Variants in CCDC77 observed in about 807,000 individuals in gnomAD.
CCDC77 encodes coiled-coil domain-containing protein 77.
CCDC77 carries 56 observed loss-of-function variants against 66.8 expected under a neutral mutation model. The observed-to-expected ratio is 0.84, with a 90% confidence interval of 0.68 to 1.05. CCDC77 has a LOEUF of 1.05. Ranked by LOEUF, CCDC77 falls within the 50% of genes least tolerant of loss-of-function variation. The probability of loss-of-function intolerance (pLI) is 0.00; values close to 1 mark genes in which losing one functional copy is unlikely to be tolerated. For missense variants in CCDC77, 570 were observed against 576.8 expected (o/e 0.99, Z 0.12); for synonymous variants, 196 against 195.2 (o/e 1.00, Z -0.03).
At chr12:392,877 T>G (rs1456256445) in intron 1 of CCDC77, among the ~76,000 whole-genome samples, 3 of 151,978 alleles carry the variant, frequency 2.0e-5, no homozygotes, top group African/African-American at 4.8e-5. Context: ...AACTTTTATA[T>G]TTAAATACAT....
At chr12:433,555 A>G in intron 9 of CCDC77, 1 of 1,070,754 alleles carries the variant, frequency 9.3e-7, no homozygotes, top group Non-Finnish European at 1.2e-6. Context: ...TTGGTGTTTT[A>G]GCTTGCTTCT....
At chr12:431,240 T>TA (rs1945646292) in intron 7 of CCDC77, among the ~76,000 whole-genome samples, 3 of 140,264 alleles carry the variant, frequency 2.1e-5, no homozygotes, top group South Asian at 4.5e-4. Context: ...TCTTTTGAGA[T>TA]AGAGTTTTGC....
At chr12:416,017 G>A (rs1173124492) in intron 4 of CCDC77, among the ~76,000 whole-genome samples, 4 of 151,752 alleles carry the variant, frequency 2.6e-5, no homozygotes, top group Admixed American at 2.0e-4. Context: ...TGTTGGCCAG[G>A]GTGGTCTTGA....
chr12:413,719 C>T (rs1488302305), intron 4 of CCDC77, among the ~76,000 whole-genome samples: 1 of 150,874 alleles, frequency 6.6e-6, no homozygotes, highest in East Asian at 2.0e-4. Context: ...GCTCTGCCTC[C>T]TGGGTTCAAG....
In CCDC77 at chr12:433,350, C is replaced by T. The variant is rs117961773; in HGVS notation, c.821+28C>T. 1.1e-3 allele frequency: 1,845 copies of T among 1,609,502 alleles called. 39 individuals are homozygous for T. In the East Asian group the frequency reaches 0.037, roughly 33 times the overall value. On this transcript the variant is annotated intron_variant, in intron 9 of 12. Coordinates refer to ENST00000239830, the MANE Select transcript of CCDC77 (RefSeq NM_032358.4). ...GAGTGTCTAAGAAAGCTGTACCTAA[C>T]GGGTATTGTATTTTTCTGAGTGACT...
At position 393,884 on chromosome 12, in the gene CCDC77, G is replaced by A. The variant is rs181203925; in HGVS notation, c.-113+4398G>A. ...CCCAGTCATGCTTTTGTAACATCAT[G>A]CATTGGTCATTTAGAAAATACTGGT... On this transcript the variant is annotated intron_variant, in intron 1 of 11. Coordinates refer to the CCDC77 transcript ENST00000422000. Among the ~76,000 whole-genome samples, 256 of 152,200 alleles carry A rather than the reference G, an allele frequency of 1.7e-3. 1 individual carries two copies. The highest frequency in any genetic ancestry group is 1.0e-4 in the Non-Finnish European group (7 of 68,010).
chr12:415,563 A>C (rs1945238631), intron 4 of CCDC77, among the ~76,000 whole-genome samples: 1 of 150,216 alleles, frequency 6.7e-6, no homozygotes, highest in East Asian at 2.0e-4. Flanking sequence ...TTATTAACAT[A>C]ATAATATGTT....
At chr12:435,532 T>C (rs2137614676) in intron 9 of CCDC77, among the ~76,000 whole-genome samples, 1 of 152,352 alleles carries the variant, frequency 6.6e-6, no homozygotes, top group African/African-American at 2.4e-5. Context: ...CAGTTCTACA[T>C]GGAGCACAAC....
intron 1 of CCDC77, chr12:389,548 A>AGGCGGGGCGAGGCGGGGCGAGG (rs1555141763): frequency 7.0e-4 from 17 of 24,332 alleles, no homozygotes; most frequent in African/African-American, 1.5e-3. Context: ...AGGGAAGCCG[A>AGGCGGGGCGAGGCGGGGCGAGG]CGGGGCGAGG....
intron 2 of CCDC77, among the ~76,000 whole-genome samples, chr12:408,227 T>C (rs967439392): frequency 1.3e-5 from 2 of 152,090 alleles, no homozygotes; most frequent in Admixed American, 1.3e-4. Flanking sequence ...AATCAGCCTC[T>C]CTCCCTCTCT....
intron 5 of CCDC77, among the ~76,000 whole-genome samples, chr12:427,031 G>A (rs1051788600): frequency 6.6e-6 from 1 of 152,124 alleles, no homozygotes; most frequent in African/African-American, 2.4e-5. Context: ...CAGATCACGA[G>A]GTCAGGAGTT....
In CCDC77 at chr12:392,963, C is replaced by CT. The variant is rs1187148367; in HGVS notation, c.-113+3487dup. On this transcript the variant is annotated intron_variant, in intron 1 of 11. Coordinates refer to the CCDC77 transcript ENST00000422000. ...GTGGCATTGGTTTACATTTTTTGTA[C>CT]TTTTTTTTTTAACATTTGGCTTAGC... Among the ~76,000 whole-genome samples the CT allele has an allele frequency of 1.3e-3, 186 of 146,840 alleles. 2 individuals carry two copies. The highest frequency in any genetic ancestry group is 4.0e-3 in the African/African-American group (161 of 40,102).
chr12:415,552 A>G (rs936936244), intron 4 of CCDC77, among the ~76,000 whole-genome samples: 1 of 150,032 alleles, frequency 6.7e-6, no homozygotes, highest in South Asian at 2.1e-4. Context: ...ATATGTTGAT[A>G]TTATTAACAT....
At chr12:439,911 A>G (rs1056265310) in intron 10 of CCDC77, among the ~76,000 whole-genome samples, 5 of 152,258 alleles carry the variant, frequency 3.3e-5, no homozygotes, top group African/African-American at 1.2e-4. Flanking sequence ...ACACTCTCTT[A>G]TATCTAGTGT....
intron 9 of CCDC77, among the ~76,000 whole-genome samples, chr12:437,086 A>G (rs1218541042): frequency 6.6e-6 from 1 of 152,174 alleles, no homozygotes; most frequent in Non-Finnish European, 1.5e-5. Flanking sequence ...TCATGAAAAT[A>G]AGTGGATCTC....
chr12:426,981 G>C (rs531347429), intron 5 of CCDC77, among the ~76,000 whole-genome samples: 2 of 151,932 alleles, frequency 1.3e-5, no homozygotes, highest in Non-Finnish European at 2.9e-5. Flanking sequence ...AAACTGACTT[G>C]GGGCTGGTAA....
intron 6 of CCDC77, 38 bp from the exon 7 acceptor site, chr12:430,626 T>C (rs1330986240): frequency 1.4e-6 from 2 of 1,463,452 alleles, no homozygotes; most frequent in Non-Finnish European, 1.9e-6. Flanking sequence ...ATTACGTTTA[T>C]AGGAAGGCTA....
intron 7 of CCDC77, 73 bp from the exon 8 acceptor site, chr12:431,793 A>G: frequency 1.0e-6 from 1 of 953,982 alleles, no homozygotes; most frequent in East Asian, 2.4e-5. Flanking sequence ...TCTGCGTGGG[A>G]AATACTGATA....
chr12:409,426 G>T lies in CCDC77; in HGVS notation c.38+5G>T. 1 of 1,612,788 alleles carries T rather than the reference G, an allele frequency of 6.2e-7. No homozygotes were observed. The highest frequency in any genetic ancestry group is 8.5e-7 in the Non-Finnish European group (1 of 1,179,394). Reference sequence around the variant, plus strand: ...ACACACCCCTGTCTGCAGAAAGTAAGACATTTGCTTATTTTCAAGTTGTTA... The same window carrying T: ...ACACACCCCTGTCTGCAGAAAGTAATACATTTGCTTATTTTCAAGTTGTTA... On this transcript the variant is annotated splice_donor_5th_base_variant and intron_variant, in intron 3 of 12. Transcript: ENST00000239830.
Sources: gnomAD v4.1 joint callset for allele counts (sites outside exome capture counted in the v4.1 genomes callset) on GRCh38, gnomAD v4.1.1 for gene constraint, MANE v1.5 for transcripts, NCBI Gene and HGNC (gene_info 2026-07-23, HGNC 2026-07-21) for gene names.